The following NUMA1 variants were observed in gnomAD, a reference collection of about 807,000 sequenced individuals.
The protein encoded by NUMA1 is nuclear mitotic apparatus protein 1.
A neutral mutation model predicts 237.1 loss-of-function variants in NUMA1; 62 were observed. The observed-to-expected ratio is 0.26, with a 90% CI of 0.21 to 0.32. The LOEUF (loss-of-function observed/expected upper bound fraction) is 0.32. Ranked by LOEUF, NUMA1 falls within the 10% of genes least tolerant of loss-of-function variation. NUMA1 has a pLI of 1.00. For missense variants in NUMA1, 2,533 were observed against 2,666.5 expected (o/e 0.95, Z 1.10); for synonymous variants, 1,028 against 1,066.1 (o/e 0.96, Z 0.70).
intron 13 of NUMA1, chr11:72,016,918 A>G (rs1937876136): frequency 5.3e-6 from 1 of 189,378 alleles, no homozygotes; most frequent in Non-Finnish European, 1.1e-5. Context: ...TCCCAAACCC[A>G]CTTCTTCACC....
chr11:72,015,918 T>G lies in NUMA1; in HGVS notation c.1585A>C (p.Lys529Gln), dbSNP rs775172719. 1.2e-6 allele frequency: 2 copies of G among 1,614,128 alleles called. No individual in the cohort carries two copies. Among genetic ancestry groups the G allele is most frequent in the East Asian group, 4.5e-5 (2 of 44,874 alleles). ...QELAGLKQQA[K>Q]EKQAQLAQTL... ...TGTGCTAGCTGGGCCTGCTTCTCTT[T>G]GGCCTGCTGCTTCAGGCCAGCCAGT... Residue 529 changes from lysine (K) to glutamine (Q), a missense_variant, in exon 15 of 27, where the codon AAA (lysine) becomes CAA (glutamine). By Grantham distance (53) the Lys-to-Gln change is moderately conservative. This residue lies in a region of NUMA1 where 1,414 missense variants were observed against 1,508.1 expected (regional missense o/e 0.94). Transcript: ENST00000393695. This position sits in a 1 kb window ranked among gnomAD's most constrained non-coding sequence, Gnocchi z 4.0.
chr11:72,045,418 G>A lies in NUMA1; in HGVS notation c.-32-9443C>T, dbSNP rs572440676. ...CCAAAGGAGCACCATGAAAGCAAAG[G>A]CAAAGCAGATACCAAAACTTTTACA... On this transcript the variant is annotated intron_variant, in intron 2 of 26. Transcript: ENST00000393695. 2.6e-5 allele frequency among the ~76,000 whole-genome samples: 4 copies of A among 152,278 alleles called. No homozygotes were observed. The South Asian group carries it at 8.3e-4, about 32-fold the overall frequency.
Position 72,015,861 on chromosome 11 carries a change from C to T in NUMA1, c.1642G>A (p.Gly548Ser). The T allele has an allele frequency of 6.2e-7, 1 of 1,614,132 alleles. No homozygotes were observed. Among genetic ancestry groups the T allele is most frequent in the Non-Finnish European group, 8.5e-7 (1 of 1,180,022 alleles). The change falls in exon 15 of 27, where the codon GGC (glycine) becomes AGC (serine). Residue 548 changes from glycine to serine, a missense_variant. Gly to Ser is a moderately conservative substitution (Grantham distance 56). Coordinates refer to ENST00000393695, the MANE Select transcript of NUMA1 (RefSeq NM_006185.4). The surrounding 1 kb of genome is among the most constrained non-coding windows in gnomAD (Gnocchi z 4.0). Reference sequence around the variant, plus strand: ...AGCTGCTCCACCTGGTGGCGGAGGCCCTGGGAGGCCTGTTCTTGCTGTTGG... The same window carrying T: ...AGCTGCTCCACCTGGTGGCGGAGGCTCTGGGAGGCCTGTTCTTGCTGTTGG... ...TLQQQEQASQ[G>S]LRHQVEQLSS...
In NUMA1 at chr11:72,014,733, G is replaced by C; in HGVS notation, c.2770C>G (p.Arg924Gly). The C allele has an allele frequency of 6.2e-7, 1 of 1,614,040 alleles. No individual in the cohort carries two copies. Among genetic ancestry groups the C allele is most frequent in the Non-Finnish European group, 8.5e-7 (1 of 1,180,038 alleles). ...KEVARLETLV[R>G]KAGEQQETAS... ...GTTTCCTGCTGCTCACCTGCCTTGC[G>C]CACCAAGGTCTCCAAGCGGGCCACC... Residue 924 changes from arginine (R) to glycine (G), a missense_variant, in exon 15 of 27, where the codon CGC becomes GGC. Arg to Gly is a moderately radical substitution (Grantham distance 125). Around this residue, in one of 3 missense-constraint regions of NUMA1, gnomAD observed 1,414 missense variants for 1,508.1 expected, o/e 0.94. Transcript: ENST00000393695. This position sits in a 1 kb window ranked among gnomAD's most constrained non-coding sequence, Gnocchi z 4.6.
intron 16 of NUMA1, among the ~76,000 whole-genome samples, 192 bp from the exon 17 acceptor site, chr11:72,011,046 A>G (rs796920307): frequency 1.5e-4 from 23 of 152,258 alleles, no homozygotes; most frequent in African/African-American, 5.3e-4. Context: ...GAATGAGGCA[A>G]CCTAACACAT....
chr11:72,051,705 A>C (rs1335972825), intron 2 of NUMA1, among the ~76,000 whole-genome samples: 2 of 152,180 alleles, frequency 1.3e-5, no homozygotes, highest in Non-Finnish European at 2.9e-5. Context: ...CTTGAGCTCA[A>C]GCGATCAGCC....
In NUMA1 at chr11:72,079,667, T is replaced by C. The variant is rs569879169; in HGVS notation, c.-103+791A>G. ...CACACAGTCACACCACTTATAGTCA[T>C]AAATTTGTACTCTCCGAGGTGCGTG... On this transcript the variant is annotated intron_variant, in intron 1 of 26. Coordinates refer to ENST00000393695, the MANE Select transcript of NUMA1 (RefSeq NM_006185.4). Among the ~76,000 whole-genome samples the C allele has an allele frequency of 4.0e-5, 6 of 150,324 alleles. No homozygotes were observed. In the South Asian group the frequency reaches 1.3e-3, roughly 31 times the overall value.
chr11:72,039,365 C>T (rs536025067), intron 2 of NUMA1, among the ~76,000 whole-genome samples: 16 of 152,338 alleles, frequency 1.1e-4, no homozygotes, highest in African/African-American at 3.1e-4. Flanking sequence ...CTCCTTACCC[C>T]GCCCTTGGCC....
intron 1 of NUMA1, among the ~76,000 whole-genome samples, chr11:72,078,923 C>T (rs1201041186): frequency 6.6e-6 from 1 of 152,134 alleles, no homozygotes; most frequent in Admixed American, 6.6e-5. Flanking sequence ...AAAGCTTTAA[C>T]GACCAGACAA....
rs748000367 is a variant in NUMA1 at position 72,013,801 on chromosome 11, C to A, written c.3702G>T (p.Val1234=). Residue 1234 remains valine, a synonymous_variant, in exon 15 of 27, where the codon GTG becomes GTT. Coordinates refer to ENST00000393695, the MANE Select transcript of NUMA1 (RefSeq NM_006185.4). This position sits in a 1 kb window ranked among gnomAD's most constrained non-coding sequence, Gnocchi z 6.8. The part of the protein sequence containing the change: ...NSLISSLEEE[V]SILNRQVLEK... ...CCAGGACCTGGCGATTCAGGATGGA[C>A]ACCTCCTCCTCCAAGCTGCTGATGA... 2 of 1,610,642 alleles carry A rather than the reference C, an allele frequency of 1.2e-6. No homozygotes were observed. The highest frequency in any genetic ancestry group is 2.2e-5 in the South Asian group (2 of 91,086).
intron 2 of NUMA1, chr11:72,049,560 A>AATAATATATATATATATATATAT (rs1555034473): frequency 6.8e-4 from 28 of 41,004 alleles, no homozygotes; most frequent in African/African-American, 2.3e-3. Context: ...AAATAATAAT[A>AATAATATATATATATATATATAT]ATATATATAT....
intron 1 of NUMA1, among the ~76,000 whole-genome samples, chr11:72,075,017 G>A (rs562793400): frequency 1.4e-5 from 2 of 147,190 alleles, no homozygotes; most frequent in Middle Eastern, 3.4e-3. Flanking sequence ...CTGGGCGACA[G>A]AGTGAGACTC....
intron 3 of NUMA1, among the ~76,000 whole-genome samples, 196 bp downstream of exon 3, chr11:72,035,706 G>A (rs1236492598): frequency 3.3e-5 from 5 of 151,858 alleles, no homozygotes; most frequent in South Asian, 2.1e-4. Flanking sequence ...CTCCGCACCC[G>A]GCCCACATTT....
chr11:72,047,338 A>T (rs1306272972), intron 2 of NUMA1, among the ~76,000 whole-genome samples: 1 of 151,900 alleles, frequency 6.6e-6, no homozygotes, highest in East Asian at 1.9e-4. Context: ...AAATAAAAGA[A>T]TTAGCCAGAC....
intron 3 of NUMA1, among the ~76,000 whole-genome samples, chr11:72,035,204 A>G (rs1458588021): frequency 6.6e-6 from 1 of 152,000 alleles, no homozygotes; most frequent in Non-Finnish European, 1.5e-5. Flanking sequence ...TTCATTTGCC[A>G]CTGTCTCTGG....
At chr11:72,046,242 A>G (rs1941989720) in intron 2 of NUMA1, among the ~76,000 whole-genome samples, 1 of 152,100 alleles carries the variant, frequency 6.6e-6, no homozygotes, top group African/African-American at 2.4e-5. Context: ...GAGTGGTAAA[A>G]CCTTTCTAGA....
chr11:72,057,103 T>C (rs1487848463), intron 2 of NUMA1, among the ~76,000 whole-genome samples: 2 of 152,030 alleles, frequency 1.3e-5, no homozygotes, highest in Non-Finnish European at 2.9e-5. Context: ...AGAAAGCATT[T>C]TAAAACAAAG....
chr11:72,014,176 A>G lies in NUMA1; in HGVS notation c.3327T>C (p.Ser1109=). Residue 1109 remains serine, a synonymous_variant, in exon 15 of 27, where the codon TCT becomes TCC. Transcript: ENST00000393695. This position sits in a 1 kb window ranked among gnomAD's most constrained non-coding sequence, Gnocchi z 4.6. ...TTGGCTCTGTCCTGCCAGCAGCCTC[A>G]GATTGGGCTCCTGAGCCAGATGCGT... ...KEHASGSGAQ[S]EAAGRTEPTG... is the part of the protein sequence containing the mutation. The G allele has an allele frequency of 6.2e-7, 1 of 1,613,802 alleles. No homozygotes were observed. Among genetic ancestry groups the G allele is most frequent in the Non-Finnish European group, 8.5e-7 (1 of 1,180,028 alleles).
At chr11:72,040,427 T>C (rs2135833848) in intron 2 of NUMA1, among the ~76,000 whole-genome samples, 1 of 149,652 alleles carries the variant, frequency 6.7e-6, no homozygotes, top group East Asian at 2.0e-4. Flanking sequence ...CCATGTATTG[T>C]ACTGGGGCGC....
Sources: gnomAD v4.1 joint callset for allele counts (sites outside exome capture counted in the v4.1 genomes callset) on GRCh38, gnomAD v4.1.1 for gene constraint, gnomAD v4.1.1 regional missense constraint, Gnocchi (gnomAD v3.1) non-coding constraint, MANE v1.5 for transcripts, NCBI Gene and HGNC (gene_info 2026-07-23, HGNC 2026-07-21) for gene names.